The following DECR2 variants were observed in gnomAD, a reference collection of about 807,000 sequenced individuals.
DECR2 encodes the protein 2,4-dienoyl-CoA reductase 2, also known as peroxisomal 2,4-dienoyl-CoA reductase [(3E)-enoyl-CoA-producing].
In DECR2, 34 loss-of-function variants were observed where a neutral mutation model predicts 29.2. The ratio of observed to expected loss-of-function variants is 1.16; its 90% CI spans 0.89 to 1.55. The LOEUF is 1.55. Ranked by LOEUF, DECR2 falls within the 40% of genes most tolerant of loss-of-function variation. The pLI is 0.00. For synonymous variants in DECR2, 224 were observed against 182.7 expected (o/e 1.23, Z -1.82); for missense variants, 485 against 425.3 (o/e 1.14, Z -1.23).
chr16:405,595 A>G (rs767086191), intron 2 of DECR2: 8 of 1,304,298 alleles, frequency 6.1e-6, no homozygotes, highest in Non-Finnish European at 8.1e-6. Context: ...TATTGTGGGC[A>G]AGCAACCCCC....
chr16:403,360 T>G (rs919318097), intron 1 of DECR2, among the ~76,000 whole-genome samples: 5 of 152,130 alleles, frequency 3.3e-5, no homozygotes, highest in African/African-American at 1.2e-4. Flanking sequence ...AAAGGCAACT[T>G]GGAGATCAGC....
rs536686090 is a variant in DECR2 at position 410,477 on chromosome 16, G to A, written c.462+110G>A. 1.1e-5 allele frequency: 17 copies of A among 1,544,058 alleles called. No individual in the cohort carries two copies. The highest frequency in any genetic ancestry group is 4.8e-5 in the South Asian group (4 of 82,810). On this transcript the variant is annotated intron_variant, in intron 5 of 8. Coordinates refer to ENST00000219481, the MANE Select transcript of DECR2 (RefSeq NM_020664.4). This position sits in a 1 kb window ranked among gnomAD's most constrained non-coding sequence, Gnocchi z 4.1. ...TGTGCGCTCTGTGAGAAGTTCTTCCGGGTGGGTGTACTCCCAGCGGGGGCC... is the reference window on the plus strand; with the variant it reads ...TGTGCGCTCTGTGAGAAGTTCTTCCAGGTGGGTGTACTCCCAGCGGGGGCC...
chr16:406,317 T>A, intron 2 of DECR2, 29 bp from the exon 3 acceptor site: 1 of 1,602,914 alleles, frequency 6.2e-7, no homozygotes, highest in Non-Finnish European at 8.5e-7. Context: ...TCGCCCACAC[T>A]GCCCTCACAC....
intron 7 of DECR2, 106 bp downstream of exon 7, chr16:411,182 GC>G: frequency 7.9e-7 from 1 of 1,267,468 alleles, no homozygotes; most frequent in Non-Finnish European, 1.1e-6. Flanking sequence ...AAAGCCCTGT[GC>G]TGGTTCCATG....
At chr16:409,392 G>A (rs897093324) in intron 4 of DECR2, among the ~76,000 whole-genome samples, 1 of 146,406 alleles carries the variant, frequency 6.8e-6, no homozygotes, top group African/African-American at 2.5e-5. Context: ...GGATGGTCTC[G>A]ATCTCCTGAC....
chr16:407,946 C>T (rs185704486), intron 4 of DECR2, among the ~76,000 whole-genome samples: 85 of 63,196 alleles, frequency 1.3e-3, no homozygotes, highest in South Asian at 1.9e-3. Flanking sequence ...TCTCCGGGCC[C>T]CTGTCTCCAG....
intron 4 of DECR2, among the ~76,000 whole-genome samples, chr16:408,849 T>TTA (rs397778756): frequency 1.3e-5 from 2 of 151,008 alleles, no homozygotes; most frequent in African/African-American, 4.9e-5. Flanking sequence ...TTTTTTTTTT[T>TTA]AGAGGGAGTT....
intron 4 of DECR2, among the ~76,000 whole-genome samples, chr16:407,825 GCATCTCCGGC>G (rs2054747988): frequency 1.0e-5 from 1 of 98,976 alleles, no homozygotes; most frequent in Admixed American, 1.2e-4. Flanking sequence ...GTCTTCGGCC[GCATCTCCGGC>G]CCCCTGTCTC....
intron 3 of DECR2, 58 bp from the exon 4 acceptor site, chr16:407,367 G>A (rs551935399): frequency 1.3e-6 from 2 of 1,543,990 alleles, no homozygotes; most frequent in Admixed American, 2.0e-5. Context: ...GATTCCAAAG[G>A]CCTTTTCTCC....
rs189560320 is a variant in DECR2, at chr16:410,056, A to G, written c.338-187A>G. The G allele has an allele frequency of 8.1e-6, 6 of 737,082 alleles. No individual in the cohort carries two copies. The Admixed American group carries it at 9.1e-5, about 11-fold the overall frequency. 45.7% of individuals were successfully genotyped at this position (737,082 alleles called of 1,614,324 possible). A position where few individuals can be genotyped will look rare whatever the true frequency, so the allele number is the denominator to read the frequency against. On this transcript the variant is annotated intron_variant, in intron 4 of 8. Transcript: ENST00000219481. The surrounding 1 kb of genome is among the most constrained non-coding windows in gnomAD (Gnocchi z 4.1). The stretch of plus-strand genomic sequence containing the variant: ...CAGCATGTCTTCTCTTCTCGGGGAC[A>G]CAGTGCAGCCAGGACGCCCGTCTTG...
chr16:409,052 G>A (rs1287385857), intron 4 of DECR2, among the ~76,000 whole-genome samples: 1 of 152,044 alleles, frequency 6.6e-6, no homozygotes, highest in Non-Finnish European at 1.5e-5. Context: ...GACTGGTCTC[G>A]AACTCTTGAT....
chr16:405,073 G>C (rs1225226450), intron 2 of DECR2, 49 bp downstream of exon 2: 3 of 1,608,362 alleles, frequency 1.9e-6, no homozygotes, highest in Non-Finnish European at 1.7e-6. Flanking sequence ...TCCCTGCCCG[G>C]GCCCTGCTGG....
chr16:407,544 C>T lies in DECR2; in HGVS notation c.321C>T (p.Ile107=), dbSNP rs149887664. ...AGGCTCTGAAGGAGTTTGGCAGAAT[C>T]GACATTCTCATTAACTGTGAGTCGG... The part of the protein sequence containing the change: ...VDQALKEFGR[I]DILINCAAGN... The change falls in exon 4 of 9, where the codon ATC becomes ATT. Residue 107 remains isoleucine (I), a synonymous_variant. Transcript: ENST00000219481. 161 of 1,613,934 alleles carry T rather than the reference C, an allele frequency of 1.0e-4. No homozygotes were observed. In the African/African-American group the frequency reaches 1.7e-3, roughly 17 times the overall value.
chr16:405,161 C>A, intron 2 of DECR2, 137 bp downstream of exon 2: 4 of 1,069,328 alleles, frequency 3.7e-6, no homozygotes, highest in Non-Finnish European at 5.6e-6. Context: ...AGGTGCCTGC[C>A]AGAGGGACTG....
At position 402,062 on chromosome 16, in the gene DECR2, G is replaced by A; in HGVS notation, c.80+19G>A. ...TGCTGCGGTGAGCGGGGCCTGGGAA[G>A]CGAGCGCAGCCTTGGTGCGGGGTCC... is the stretch of plus-strand genomic sequence containing the variant. On this transcript the variant is annotated intron_variant, in intron 1 of 8. Coordinates refer to ENST00000219481, the MANE Select transcript of DECR2 (RefSeq NM_020664.4). 7.4e-7 allele frequency: 1 copy of A among 1,359,688 alleles called. No homozygotes were observed. The highest frequency in any genetic ancestry group is 9.5e-7 in the Non-Finnish European group (1 of 1,052,226). The allele number at this position is 1,359,688 out of a possible 1,614,324, so 84.2% of individuals were successfully genotyped here.
In DECR2 at chr16:402,036, C is replaced by A; in HGVS notation, c.73C>A (p.Leu25Met). 1 of 1,451,464 alleles carries A rather than the reference C, an allele frequency of 6.9e-7. No homozygotes were observed. The highest frequency in any genetic ancestry group is 9.1e-7 in the Non-Finnish European group (1 of 1,104,748). The allele number at this position is 1,451,464 out of a possible 1,614,324, so 89.9% of individuals were successfully genotyped here. A position where few individuals can be genotyped will look rare whatever the true frequency, so the allele number is the denominator to read the frequency against. The change falls in exon 1 of 9, where the codon CTG becomes ATG. Residue 25 changes from leucine to methionine, a missense_variant. By Grantham distance (15) the Leu-to-Met change is conservative (BLOSUM62 2). Transcript: ENST00000219481. ...PAYRHLFCPD[L>M]LRDKVAFITG... Reference sequence around the variant, plus strand: ...GTACCGCCACCTCTTCTGCCCGGACCTGCTGCGGTGAGCGGGGCCTGGGAA... The same window carrying A: ...GTACCGCCACCTCTTCTGCCCGGACATGCTGCGGTGAGCGGGGCCTGGGAA...
intron 1 of DECR2, among the ~76,000 whole-genome samples, chr16:404,399 C>T (rs1420348161): frequency 8.0e-5 from 12 of 150,302 alleles, no homozygotes; most frequent in South Asian, 2.1e-4. Flanking sequence ...CCACCACACC[C>T]GGCTAATTTT....
chr16:411,022 G>C lies in DECR2; in HGVS notation c.607G>C (p.Val203Leu). The C allele has an allele frequency of 6.2e-7, 1 of 1,600,428 alleles. No homozygotes were observed. ...AVEWGPQNIR[V>L]NSLAPGPISG... Reference sequence around the variant, plus strand: ...GGAGTGGGGTCCCCAAAACATCCGCGTCAACAGCCTCGCCCCTGGCCCCAT... The same window carrying C: ...GGAGTGGGGTCCCCAAAACATCCGCCTCAACAGCCTCGCCCCTGGCCCCAT... Residue 203 changes from valine (V) to leucine (L), a missense_variant, in exon 7 of 9, where the codon GTC (valine) becomes CTC (leucine). Transcript: ENST00000219481.
chr16:411,855 C>T, intron 8 of DECR2, 35 bp from the exon 9 acceptor site: 1 of 437,204 alleles, frequency 2.3e-6, no homozygotes, highest in Non-Finnish European at 4.1e-6. Context: ...GGGAAGCCGT[C>T]CTCAGCCGGC....
Sources: allele counts gnomAD v4.1 joint callset (sites outside exome capture counted in the v4.1 genomes callset), GRCh38; gene constraint gnomAD v4.1.1; non-coding constraint Gnocchi (gnomAD v3.1); transcripts MANE v1.5; gene names NCBI Gene and HGNC (gene_info 2026-07-23, HGNC 2026-07-21).